BCKDHB: variants seen among roughly 807,000 people sequenced by gnomAD.
BCKDHB encodes branched chain keto acid dehydrogenase E1 subunit beta, also known as 2-oxoisovalerate dehydrogenase subunit beta, mitochondrial.
BCKDHB carries 41 observed loss-of-function variants against 48.5 expected under a neutral mutation model. The ratio of observed to expected loss-of-function variants is 0.85; its 90% confidence interval spans 0.66 to 1.10. The LOEUF is 1.10. Among genes scored for constraint, BCKDHB ranks in the 50% least tolerant of loss-of-function variants. BCKDHB has a pLI of 0.00. For synonymous variants in BCKDHB, 201 were observed against 174.8 expected, an observed-to-expected ratio of 1.15 and a Z score of -1.18; for missense variants, 496 against 494.2, an observed-to-expected ratio of 1.00 and a Z score of -0.03.
chr6:80,132,870 TA>T (rs1479546547), intron 3 of BCKDHB, among the ~76,000 whole-genome samples: 7 of 152,192 alleles, frequency 4.6e-5, no homozygotes, highest in Non-Finnish European at 1.0e-4. Context: ...CTTGCATATT[TA>T]AAAAGTAACA....
chr6:80,405,365 T>C, the BCKDHB span, among the ~76,000 whole-genome samples: 1 of 152,146 alleles, frequency 6.6e-6, no homozygotes, highest in Non-Finnish European at 1.5e-5. Context: ...TGCTCTCTTT[T>C]GGTTTCTATT....
chr6:80,333,952 G>A (rs1239618939), intron 9 of BCKDHB, among the ~76,000 whole-genome samples: 3 of 152,088 alleles, frequency 2.0e-5, no homozygotes, highest in Admixed American at 1.3e-4. Flanking sequence ...TACTGAGCAT[G>A]TAATATGTAC....
chr6:80,300,455 C>T (rs886148323), intron 9 of BCKDHB, among the ~76,000 whole-genome samples: 2 of 152,146 alleles, frequency 1.3e-5, no homozygotes, highest in African/African-American at 4.8e-5. Flanking sequence ...AATAAAAAGC[C>T]ATAACTGTCC....
the BCKDHB span, among the ~76,000 whole-genome samples, chr6:80,393,320 T>C: frequency 6.6e-6 from 1 of 152,178 alleles, no homozygotes; most frequent in Non-Finnish European, 1.5e-5. Flanking sequence ...AAAATTCATA[T>C]CTTTAAATAT....
At chr6:80,291,330 A>G (rs1399739445) in intron 9 of BCKDHB, among the ~76,000 whole-genome samples, 3 of 152,220 alleles carry the variant, frequency 2.0e-5, no homozygotes, top group Middle Eastern at 3.2e-3. Flanking sequence ...CATTCAGGGT[A>G]GAGAGGAGCT....
At chr6:80,171,453 A>G (rs1290041906) in intron 6 of BCKDHB, 63 bp downstream of exon 6, 7 of 930,988 alleles carry the variant, frequency 7.5e-6, no homozygotes, top group Non-Finnish European at 1.1e-5. Flanking sequence ...TTATAGCTCT[A>G]AAAGTTATAT....
At chr6:80,165,434 C>G (rs1018502210) in intron 3 of BCKDHB, among the ~76,000 whole-genome samples, 2 of 152,156 alleles carry the variant, frequency 1.3e-5, no homozygotes, top group Admixed American at 1.3e-4. Flanking sequence ...CGGCATTTCC[C>G]AACACCTGCC....
At chr6:80,121,284 A>G (rs1770005174) in intron 1 of BCKDHB, among the ~76,000 whole-genome samples, 1 of 152,228 alleles carries the variant, frequency 6.6e-6, no homozygotes, top group African/African-American at 2.4e-5. Flanking sequence ...TATAGTTTGA[A>G]GTCAGGTAGT....
intron 8 of BCKDHB, among the ~76,000 whole-genome samples, chr6:80,254,139 A>G (rs1776950392): frequency 6.6e-6 from 1 of 151,726 alleles, no homozygotes; most frequent in Admixed American, 6.6e-5. Flanking sequence ...TCAACTCCCA[A>G]AAGGTGAAAA....
At chr6:80,133,270 A>G (rs546264534) in intron 3 of BCKDHB, among the ~76,000 whole-genome samples, 2 of 152,354 alleles carry the variant, frequency 1.3e-5, no homozygotes, top group South Asian at 2.1e-4. Context: ...GTAAAGCTGA[A>G]TACTACTTGA....
intron 8 of BCKDHB, among the ~76,000 whole-genome samples, chr6:80,272,015 A>C (rs1313761916): frequency 6.6e-6 from 1 of 152,170 alleles, no homozygotes; most frequent in Non-Finnish European, 1.5e-5. Flanking sequence ...AATTAATCAC[A>C]GTCATAGAAA....
the BCKDHB span, among the ~76,000 whole-genome samples, chr6:80,433,265 C>T: frequency 2.6e-5 from 4 of 152,182 alleles, no homozygotes; most frequent in African/African-American, 9.7e-5. Context: ...TGTCCGCAGC[C>T]ACCCCTTCCC....
chr6:80,324,690 T>G (rs533451815), intron 9 of BCKDHB, among the ~76,000 whole-genome samples: 27 of 152,228 alleles, frequency 1.8e-4, no homozygotes, highest in Admixed American at 4.6e-4. Flanking sequence ...CCCTTCTCTC[T>G]TCTCTCCCCA....
chr6:80,446,024 G>A, the BCKDHB span, among the ~76,000 whole-genome samples: 2 of 152,122 alleles, frequency 1.3e-5, no homozygotes, highest in Admixed American at 1.3e-4. Flanking sequence ...TGATGTGTAA[G>A]GTATACAGAG....
chr6:80,445,672 T>C, the BCKDHB span, among the ~76,000 whole-genome samples: 3 of 152,188 alleles, frequency 2.0e-5, no homozygotes, highest in Non-Finnish European at 4.4e-5. Context: ...AGATACATCT[T>C]AATAGCAGAG....
At chr6:80,332,439 G>A (rs1769359659) in intron 9 of BCKDHB, among the ~76,000 whole-genome samples, 1 of 152,106 alleles carries the variant, frequency 6.6e-6, no homozygotes, top group Admixed American at 6.6e-5. Context: ...TAGTATTAGA[G>A]TTCTACAAAG....
At chr6:80,465,360 C>T in the BCKDHB span, among the ~76,000 whole-genome samples, 1 of 152,336 alleles carries the variant, frequency 6.6e-6, no homozygotes, top group East Asian at 1.9e-4. Context: ...TCTCTTTTTA[C>T]ACCATTTTCT....
intron 3 of BCKDHB, among the ~76,000 whole-genome samples, chr6:80,159,365 A>C (rs1470092110): frequency 6.6e-6 from 1 of 152,202 alleles, no homozygotes; most frequent in African/African-American, 2.4e-5. Flanking sequence ...ATCAGTTAGC[A>C]TCTAACATCT....
At chr6:80,369,019 A>G in the BCKDHB span, among the ~76,000 whole-genome samples, 49 of 12,156 alleles carry the variant, frequency 4.0e-3, 1 homozygote, top group East Asian at 0.55. Context: ...TCTCAAAAAA[A>G]AAAAAAACAA....
Sources: gnomAD v4.1 joint callset for allele counts (sites outside exome capture counted in the v4.1 genomes callset) on GRCh38, gnomAD v4.1.1 for gene constraint, MANE v1.5 for transcripts, NCBI Gene and HGNC (gene_info 2026-07-23, HGNC 2026-07-21) for gene names.